Variants in PLA2G12B observed in about 807,000 individuals in gnomAD.
PLA2G12B encodes the protein group XIIB secretory phospholipase A2-like protein.
Under a neutral mutation model 22.3 loss-of-function variants are expected in PLA2G12B, and 19 were observed. That is an observed-to-expected ratio of 0.85 (90% confidence interval 0.60 to 1.25). PLA2G12B has a LOEUF of 1.25. PLA2G12B is among the 50% of genes most tolerant of loss of function. The pLI, the probability that PLA2G12B is intolerant of heterozygous loss-of-function variation, is 0.00. For missense variants in PLA2G12B, 191 were observed against 246.6 expected (o/e 0.77, Z 1.51); for synonymous variants, 81 against 94.9 (o/e 0.85, Z 0.85).
intron 1 of PLA2G12B, among the ~76,000 whole-genome samples, chr10:72,951,686 C>T (rs1846534024): frequency 6.6e-6 from 1 of 152,092 alleles, no homozygotes; most frequent in African/African-American, 2.4e-5. Context: ...GTCTCGATCT[C>T]CTGACATCGT....
chr10:72,950,661 G>A (rs557903716), intron 1 of PLA2G12B, among the ~76,000 whole-genome samples: 12 of 152,166 alleles, frequency 7.9e-5, no homozygotes, highest in African/African-American at 2.9e-4. Flanking sequence ...TGTATTTTTA[G>A]TACAGATGGG....
At chr10:72,945,652 T>C (rs1382098584) in intron 1 of PLA2G12B, among the ~76,000 whole-genome samples, 1 of 136,874 alleles carries the variant, frequency 7.3e-6, no homozygotes, top group Non-Finnish European at 1.5e-5. Flanking sequence ...GCCATTATGA[T>C]GTTTTTTTTT....
intron 3 of PLA2G12B, among the ~76,000 whole-genome samples, 172 bp downstream of exon 3, chr10:72,940,997 G>A (rs1030088913): frequency 2.0e-5 from 3 of 152,130 alleles, no homozygotes; most frequent in Non-Finnish European, 2.9e-5. Flanking sequence ...GAACTTGAGT[G>A]AAGGAGTGCC....
At chr10:72,946,198 A>C (rs1427361250) in intron 1 of PLA2G12B, among the ~76,000 whole-genome samples, 3 of 152,202 alleles carry the variant, frequency 2.0e-5, no homozygotes, top group African/African-American at 7.2e-5. Flanking sequence ...ATATGAATTA[A>C]ATCATACAAT....
intron 1 of PLA2G12B, among the ~76,000 whole-genome samples, chr10:72,947,465 C>T (rs1024019974): frequency 6.6e-6 from 1 of 152,218 alleles, no homozygotes; most frequent in Admixed American, 6.5e-5. Flanking sequence ...GTCTTGAATT[C>T]CCAGACTGAA....
At chr10:72,937,083 C>A (rs369604778) in intron 3 of PLA2G12B, among the ~76,000 whole-genome samples, 1 of 151,968 alleles carries the variant, frequency 6.6e-6, no homozygotes, top group Non-Finnish European at 1.5e-5. Context: ...TGGTGGCGGG[C>A]GCCTGTAGTC....
Position 72,954,600 on chromosome 10 carries a change from T to G in PLA2G12B, c.86A>C (p.Glu29Ala). Residue 29 changes from glutamate (E) to alanine (A), a missense_variant, in exon 1 of 4, where the codon GAG (glutamate) becomes GCG (alanine). Coordinates refer to ENST00000373032, the MANE Select transcript of PLA2G12B (RefSeq NM_032562.5). ...CCGAAGGCCCCAGTCTGAATAGGACTCCTCCGTGTCAGGGCTCGTGTCGCT... is the reference window on the plus strand; with the variant it reads ...CCGAAGGCCCCAGTCTGAATAGGACGCCTCCGTGTCAGGGCTCGTGTCGCT... ...AQSDTSPDTE[E>A]SYSDWGLRHL... is the part of the protein sequence containing the mutation. 1 of 1,614,140 alleles carries G rather than the reference T, an allele frequency of 6.2e-7. No individual in the cohort carries two copies. The highest frequency in any genetic ancestry group is 8.5e-7 in the Non-Finnish European group (1 of 1,180,044).
chr10:72,948,950 C>T (rs1846484631), intron 1 of PLA2G12B, among the ~76,000 whole-genome samples: 1 of 152,202 alleles, frequency 6.6e-6, no homozygotes, highest in South Asian at 2.1e-4. Flanking sequence ...CCGGGCCCGC[C>T]CTTTTATCTC....
At position 72,942,735 on chromosome 10, in the gene PLA2G12B, C is replaced by T. The variant is rs748041998; in HGVS notation, c.217G>A (p.Ala73Thr). The T allele has an allele frequency of 6.3e-7, 1 of 1,597,126 alleles. No individual in the cohort carries two copies. Among genetic ancestry groups the T allele is most frequent in the Non-Finnish European group, 8.5e-7 (1 of 1,171,148 alleles). The part of the protein sequence containing the change: ...VCQYRCRYGK[A>T]PMPRPGYKPQ... ...TTGTAGCCAGGTCTGGGCATTGGTGCCTTTCCTTGCAGGAGGAAGAAAGGA... is the reference window on the plus strand; with the variant it reads ...TTGTAGCCAGGTCTGGGCATTGGTGTCTTTCCTTGCAGGAGGAAGAAAGGA... The change falls in exon 2 of 4, where the codon GCA (alanine) becomes ACA (threonine). Residue 73 changes from alanine (A) to threonine (T), a missense_variant. Physicochemically the swap from Ala to Thr is moderately conservative, Grantham distance 58 (BLOSUM62 0). Coordinates refer to ENST00000373032, the MANE Select transcript of PLA2G12B (RefSeq NM_032562.5).
intron 1 of PLA2G12B, among the ~76,000 whole-genome samples, chr10:72,945,632 T>G (rs2132974447): frequency 6.6e-6 from 1 of 150,746 alleles, no homozygotes; most frequent in African/African-American, 2.5e-5. Context: ...AATATATAAC[T>G]GTTGCAGTTG....
intron 3 of PLA2G12B, among the ~76,000 whole-genome samples, chr10:72,937,742 A>G (rs780404475): frequency 6.6e-6 from 1 of 152,234 alleles, no homozygotes; most frequent in Non-Finnish European, 1.5e-5. Context: ...AAATCAATTA[A>G]TATGATACAC....
intron 1 of PLA2G12B, among the ~76,000 whole-genome samples, chr10:72,946,821 T>C (rs1181558996): frequency 6.6e-6 from 1 of 152,242 alleles, no homozygotes; most frequent in Non-Finnish European, 1.5e-5. Context: ...GTGTTCTTTA[T>C]ATATTTTGGA....
At chr10:72,942,136 TAGC>T (rs1198672894) in intron 2 of PLA2G12B, among the ~76,000 whole-genome samples, 2 of 139,698 alleles carry the variant, frequency 1.4e-5, no homozygotes, top group East Asian at 4.5e-4. Flanking sequence ...ATACAAAAAT[TAGC>T]AGGGCGTCGG....
At chr10:72,942,363 G>T (rs1846376747) in intron 2 of PLA2G12B, among the ~76,000 whole-genome samples, 1 of 152,118 alleles carries the variant, frequency 6.6e-6, no homozygotes, top group African/African-American at 2.4e-5. Context: ...AAACCTGTCA[G>T]ATCTATCTCA....
intron 1 of PLA2G12B, among the ~76,000 whole-genome samples, chr10:72,950,679 C>CAG (rs1846516382): frequency 1.3e-5 from 2 of 152,116 alleles, no homozygotes; most frequent in African/African-American, 4.8e-5. Flanking sequence ...GGGGTTTCAC[C>CAG]ATGCTGGCCA....
At chr10:72,938,030 C>T (rs901467783) in intron 3 of PLA2G12B, among the ~76,000 whole-genome samples, 9 of 151,116 alleles carry the variant, frequency 6.0e-5, no homozygotes, top group African/African-American at 1.7e-4. Context: ...AGGAGAATCG[C>T]TTGAACCCGG....
At chr10:72,939,443 C>A (rs1453043602) in intron 3 of PLA2G12B, among the ~76,000 whole-genome samples, 1 of 152,064 alleles carries the variant, frequency 6.6e-6, no homozygotes, top group Non-Finnish European at 1.5e-5. Context: ...AATAAGCGAT[C>A]TTTGAAAATG....
Position 72,935,657 on chromosome 10 carries a change from G to A in PLA2G12B, c.548C>T (p.Ala183Val), listed in dbSNP as rs766213718. 3.6e-5 allele frequency: 58 copies of A among 1,614,050 alleles called. No individual in the cohort carries two copies. The South Asian group carries it at 6.4e-4, about 18-fold the overall frequency. Residue 183 changes from alanine (A) to valine (V), a missense_variant, in exon 4 of 4, where the codon GCA becomes GTA. Ala to Val is a moderately conservative substitution (Grantham distance 64, BLOSUM62 0). Coordinates refer to ENST00000373032, the MANE Select transcript of PLA2G12B (RefSeq NM_032562.5). ...CTCCTCCTCTGCACAGATGCAAGCT[G>A]CCCGCTGACTATTCATAAAGGGGCG... ...GCRPFMNSQR[A>V]ACICAEEEKE...
intron 1 of PLA2G12B, 54 bp from the exon 2 acceptor site, chr10:72,942,794 T>C (rs1846383475): frequency 2.1e-6 from 3 of 1,426,572 alleles, no homozygotes; most frequent in African/African-American, 1.4e-5. Context: ...AAATCAAGCA[T>C]TTGGGAACAT....
Sources: gnomAD v4.1 joint callset for allele counts (sites outside exome capture counted in the v4.1 genomes callset) on GRCh38, gnomAD v4.1.1 for gene constraint, MANE v1.5 for transcripts, NCBI Gene and HGNC (gene_info 2026-07-23, HGNC 2026-07-21) for gene names.